Variants in GALNT2 observed in about 807,000 individuals in gnomAD.
GALNT2 encodes polypeptide N-acetylgalactosaminyltransferase 2.
A neutral mutation model predicts 81.4 loss-of-function variants in GALNT2; 31 were observed. The ratio of observed to expected loss-of-function variants is 0.38; its 90% CI spans 0.29 to 0.51. The LOEUF (loss-of-function observed/expected upper bound fraction) is 0.51. Ranked by LOEUF, GALNT2 falls within the 20% of genes least tolerant of loss-of-function variation. GALNT2 has a pLI of 0.87. For synonymous variants in GALNT2, 303 were observed against 287.4 expected, an observed-to-expected ratio of 1.05 and a Z score of -0.55; for missense variants, 629 against 765.7, an observed-to-expected ratio of 0.82 and a Z score of 2.11.
chr1:230,249,200 G>A lies in GALNT2; in HGVS notation c.834G>A (p.Leu278=). 1 of 1,614,174 alleles carries A rather than the reference G, an allele frequency of 6.2e-7. No individual in the cohort carries two copies. The highest frequency in any genetic ancestry group is 1.7e-5 in the Admixed American group (1 of 60,028). Residue 278 remains leucine (L), a synonymous_variant, in exon 9 of 16, where the codon TTG becomes TTA. Coordinates refer to ENST00000366672, the MANE Select transcript of GALNT2 (RefSeq NM_004481.5). The part of the protein sequence containing the change: ...ADLKGGFDWN[L]VFKWDYMTPE... ...GGCTGGCAGGTTTTGATTGGAACTT[G>A]GTATTCAAGTGGGATTACATGACGC...
Position 230,275,500 on chromosome 1 carries a change from C to T in GALNT2, c.1560+936C>T, listed in dbSNP as rs1304301870. Reference sequence around the variant, plus strand: ...ACATATATATACATATACACACACACACCACAGATACATACATATATATAC... The same window carrying T: ...ACATATATATACATATACACACACATACCACAGATACATACATATATATAC... On this transcript the variant is annotated intron_variant, in intron 15 of 15. Coordinates refer to ENST00000366672, the MANE Select transcript of GALNT2 (RefSeq NM_004481.5). This position sits in a 1 kb window ranked among gnomAD's most constrained non-coding sequence, Gnocchi z 5.5. 2.7e-5 allele frequency among the ~76,000 whole-genome samples: 4 copies of T among 150,912 alleles called. No homozygotes were observed. The highest frequency in any genetic ancestry group is 6.6e-5 in the Admixed American group (1 of 15,120).
At chr1:230,198,012 G>A (rs185268834) in intron 2 of GALNT2, among the ~76,000 whole-genome samples, 24 of 152,316 alleles carry the variant, frequency 1.6e-4, no homozygotes, top group African/African-American at 3.6e-4. Context: ...GTAAGCGTCC[G>A]GCGCAAGACC....
In GALNT2 at chr1:230,203,301, C is replaced by T. The variant is rs76813899; in HGVS notation, c.374+11C>T. 1.2e-6 allele frequency: 2 copies of T among 1,610,926 alleles called. No homozygotes were observed. Among genetic ancestry groups the T allele is most frequent in the Admixed American group, 3.3e-5 (2 of 59,922 alleles). ...CACCCGGCATGACCAGTAAGTACCC[C>T]ACTAAGCACCTGCTGCAGCTTCATT... On this transcript the variant is annotated intron_variant, in intron 3 of 15. Coordinates refer to ENST00000366672, the MANE Select transcript of GALNT2 (RefSeq NM_004481.5).
At position 230,275,066 on chromosome 1, in the gene GALNT2, GTA is replaced by G. The variant is rs1006188102; in HGVS notation, c.1560+511_1560+512del. ...ACATATATACATGCCACATATATACGTATATATATACACACCACATATATATA... is the reference window on the plus strand; with the variant it reads ...ACATATATACATGCCACATATATACGTATATATACACACCACATATATATA... On this transcript the variant is annotated intron_variant, in intron 15 of 15. Coordinates refer to ENST00000366672, the MANE Select transcript of GALNT2 (RefSeq NM_004481.5). This position sits in a 1 kb window ranked among gnomAD's most constrained non-coding sequence, Gnocchi z 5.5. Among the ~76,000 whole-genome samples the G allele has an allele frequency of 3.5e-5, 4 of 113,004 alleles. No individual in the cohort carries two copies. Among genetic ancestry groups the G allele is most frequent in the East Asian group, 2.5e-4 (1 of 3,968 alleles). The allele number at this position is 113,004 out of a possible 152,430, so 74.1% of individuals were successfully genotyped here.
Position 230,183,927 on chromosome 1 carries a change from G to A in GALNT2, c.220+5616G>A, listed in dbSNP as rs577852390. Among the ~76,000 whole-genome samples, 7 of 151,150 alleles carry A rather than the reference G, an allele frequency of 4.6e-5. No homozygotes were observed. In the East Asian group the frequency reaches 9.8e-4, roughly 21 times the overall value. ...TGGGAGGCGGAGGCTGCAGTGAGCCGAGATCGTACCACTATTCTGAGCCTG... is the reference window on the plus strand; with the variant it reads ...TGGGAGGCGGAGGCTGCAGTGAGCCAAGATCGTACCACTATTCTGAGCCTG... On this transcript the variant is annotated intron_variant, in intron 2 of 15. Transcript: ENST00000366672.
intron 10 of GALNT2, among the ~76,000 whole-genome samples, chr1:230,251,964 G>GC (rs35301682): frequency 0.82 from 124,811 of 152,030 alleles, 51,999 homozygotes; most frequent in East Asian, 0.98. Flanking sequence ...ATGTAGCTGT[G>GC]CTAGAAGGTT....
In GALNT2 at chr1:230,281,243, G is replaced by C. The variant is rs944639974; in HGVS notation, c.*1785G>C. On this transcript the variant is annotated 3_prime_UTR_variant, in exon 16 of 16. Transcript: ENST00000366672. ...GTAGGACAGCGGCCCCGAGGTGGAA[G>C]CCTGGCTGGAGGGCTGCCCTATAGG... is the stretch of plus-strand genomic sequence containing the variant. 6.6e-6 allele frequency: 1 copy of C among 152,446 alleles called. No homozygotes were observed. Among genetic ancestry groups the C allele is most frequent in the Non-Finnish European group, 1.5e-5 (1 of 68,244 alleles). 9.4% of individuals were successfully genotyped at this position (152,446 alleles called of 1,614,324 possible).
chr1:230,250,325 G>C (rs1665504248), intron 9 of GALNT2, 132 bp from the exon 10 acceptor site: 1 of 699,724 alleles, frequency 1.4e-6, no homozygotes, highest in East Asian at 2.7e-5. Context: ...GCAGAAAACA[G>C]TGGCAGTGTG....
intron 2 of GALNT2, among the ~76,000 whole-genome samples, chr1:230,189,782 A>G (rs1044427577): frequency 8.5e-5 from 13 of 152,148 alleles, no homozygotes; most frequent in African/African-American, 2.9e-4. Context: ...GCAAAATGGA[A>G]ACTGTACCCA....
chr1:230,273,025 GC>G (rs1278480860), intron 14 of GALNT2, among the ~76,000 whole-genome samples: 2 of 152,008 alleles, frequency 1.3e-5, no homozygotes, highest in Non-Finnish European at 2.9e-5. Context: ...TCCCGCCTTG[GC>G]CCCCAAAGTG....
intron 1 of GALNT2, among the ~76,000 whole-genome samples, chr1:230,127,385 T>G (rs1661218285): frequency 6.6e-6 from 1 of 150,962 alleles, no homozygotes; most frequent in African/African-American, 2.4e-5. Context: ...ATGAATAGAT[T>G]TTTTTTTTTG....
At chr1:230,236,246 G>T (rs1665027067) in intron 4 of GALNT2, 107 bp from the exon 5 acceptor site, 2 of 1,368,178 alleles carry the variant, frequency 1.5e-6, no homozygotes, top group African/African-American at 2.8e-5. Context: ...GCAGTGTGTA[G>T]CTCCTCCAAC....
chr1:230,145,907 G>A lies in GALNT2; in HGVS notation c.127-32311G>A, dbSNP rs569461105. Among the ~76,000 whole-genome samples, 6 of 152,352 alleles carry A rather than the reference G, an allele frequency of 3.9e-5. No individual in the cohort carries two copies. The East Asian group carries it at 9.6e-4, about 24-fold the overall frequency. ...CCCTCTGGGAAGTGTGCCTTTCAAAGATGCTCGCCGCTTGCATTTTTATTA... is the reference window on the plus strand; with the variant it reads ...CCCTCTGGGAAGTGTGCCTTTCAAAAATGCTCGCCGCTTGCATTTTTATTA... On this transcript the variant is annotated intron_variant, in intron 1 of 15. Coordinates refer to ENST00000366672, the MANE Select transcript of GALNT2 (RefSeq NM_004481.5).
chr1:230,278,351 C>T (rs1481443951), intron 15 of GALNT2, among the ~76,000 whole-genome samples: 1 of 152,026 alleles, frequency 6.6e-6, no homozygotes, highest in Non-Finnish European at 1.5e-5. Flanking sequence ...TCTTGAACTC[C>T]TGGCCTCAAG....
chr1:230,066,997 G>A (rs1287411422), upstream of GALNT2, among the ~76,000 whole-genome samples: 1 of 148,578 alleles, frequency 6.7e-6, no homozygotes, highest in Non-Finnish European at 1.5e-5. Context: ...CCCGCGCCCC[G>A]GCCCCCGCAG....
At chr1:230,065,153 CT>C (rs905950804), upstream of GALNT2, among the ~76,000 whole-genome samples, 1 of 152,064 alleles carries the variant, frequency 6.6e-6, no homozygotes, top group Non-Finnish European at 1.5e-5. Flanking sequence ...CCTTTCCTGG[CT>C]TTTATTTTAA....
chr1:230,279,487 C>T lies in GALNT2; in HGVS notation c.*29C>T. ...GGTCCGGGAGGCCCTGCCGTCCTGT[C>T]TCCTGCACCATTGGGTGGAGTCTGG... On this transcript the variant is annotated 3_prime_UTR_variant, in exon 16 of 16. Transcript: ENST00000366672. The surrounding 1 kb of genome is among the most constrained non-coding windows in gnomAD (Gnocchi z 4.6). The T allele has an allele frequency of 6.2e-7, 1 of 1,604,862 alleles. No individual in the cohort carries two copies. Among genetic ancestry groups the T allele is most frequent in the East Asian group, 2.2e-5 (1 of 44,684 alleles).
At chr1:230,104,216 C>T (rs889677087) in intron 1 of GALNT2, among the ~76,000 whole-genome samples, 1 of 152,134 alleles carries the variant, frequency 6.6e-6, no homozygotes, top group Non-Finnish European at 1.5e-5. Context: ...GGGAGGTTGG[C>T]TCTGTCTTTA....
intron 1 of GALNT2, among the ~76,000 whole-genome samples, chr1:230,061,734 G>T (rs1339008159): frequency 2.6e-5 from 4 of 151,924 alleles, no homozygotes; most frequent in African/African-American, 9.7e-5. Context: ...CCCCTTCTAG[G>T]TAACCAACTC....
Sources: allele counts gnomAD v4.1 joint callset (sites outside exome capture counted in the v4.1 genomes callset), GRCh38; gene constraint gnomAD v4.1.1; non-coding constraint Gnocchi (gnomAD v3.1); transcripts MANE v1.5; gene names NCBI Gene and HGNC (gene_info 2026-07-23, HGNC 2026-07-21).